ITFG1: variants seen among roughly 807,000 people sequenced by gnomAD.
ITFG1 encodes the protein T-cell immunomodulatory protein.
ITFG1 carries 34 observed loss-of-function variants against 81.8 expected under a neutral mutation model. That is an observed-to-expected ratio of 0.42 (90% confidence interval 0.32 to 0.55). ITFG1 has a LOEUF of 0.55. ITFG1 is among the 20% of genes least tolerant of loss of function. The pLI is 0.17. For missense variants in ITFG1, 672 were observed against 755.4 expected (o/e 0.89, Z 1.29); for synonymous variants, 285 against 270.6 (o/e 1.05, Z -0.52).
At chr16:47,315,767 C>T (rs1313667778) in intron 8 of ITFG1, among the ~76,000 whole-genome samples, 2 of 128,584 alleles carry the variant, frequency 1.6e-5, no homozygotes, top group Non-Finnish European at 3.1e-5. Flanking sequence ...ATTCTAAATG[C>T]CATATATATA....
At chr16:47,246,007 C>T (rs1965998530) in intron 12 of ITFG1, among the ~76,000 whole-genome samples, 2 of 152,096 alleles carry the variant, frequency 1.3e-5, no homozygotes, top group South Asian at 2.1e-4. Context: ...GATGAGAAAT[C>T]GATGAACTAT....
At chr16:47,159,418 A>G (rs1218694474) in intron 16 of ITFG1, among the ~76,000 whole-genome samples, 1 of 152,166 alleles carries the variant, frequency 6.6e-6, no homozygotes, top group African/African-American at 2.4e-5. Context: ...GTATCATCTT[A>G]TTTTTGACCT....
intron 5 of ITFG1, 118 bp downstream of exon 5, chr16:47,451,278 C>T (rs939170874): frequency 3.3e-6 from 2 of 597,168 alleles, no homozygotes; most frequent in Non-Finnish European, 5.9e-6. Context: ...ATATATTAAC[C>T]AAATGCCCAC....
chr16:47,308,818 C>G (rs1191401798), intron 10 of ITFG1, among the ~76,000 whole-genome samples: 1 of 152,084 alleles, frequency 6.6e-6, no homozygotes, highest in Non-Finnish European at 1.5e-5. Context: ...GCTTGGAACT[C>G]CGATAAGAGC....
At chr16:47,169,116 G>A (rs1459506134) in intron 14 of ITFG1, among the ~76,000 whole-genome samples, 2 of 152,116 alleles carry the variant, frequency 1.3e-5, no homozygotes, top group South Asian at 2.1e-4. Context: ...TATGCTTGTT[G>A]ATTACTGTAG....
intron 10 of ITFG1, among the ~76,000 whole-genome samples, chr16:47,274,513 C>T (rs1273354117): frequency 6.6e-6 from 1 of 152,110 alleles, no homozygotes; most frequent in Non-Finnish European, 1.5e-5. Context: ...ACACAATTAG[C>T]CCTTCTAGTA....
At chr16:47,161,669 A>G in intron 16 of ITFG1, 81 bp downstream of exon 16, 3 of 887,596 alleles carry the variant, frequency 3.4e-6, no homozygotes, top group Non-Finnish European at 5.6e-6. Context: ...CAGGAATATG[A>G]GAGAGCTTAA....
chr16:47,254,380 ATATTATTAT>A (rs371724043), intron 12 of ITFG1, among the ~76,000 whole-genome samples: 12 of 150,986 alleles, frequency 7.9e-5, no homozygotes, highest in Admixed American at 3.3e-4. Context: ...TCTCTTTAGC[ATATTATTAT>A]TATTATTATT....
At chr16:47,227,466 C>G (rs948360452) in intron 13 of ITFG1, among the ~76,000 whole-genome samples, 1 of 152,134 alleles carries the variant, frequency 6.6e-6, no homozygotes, top group Non-Finnish European at 1.5e-5. Flanking sequence ...ATCATTGGCA[C>G]CCTTTTTCTC....
intron 6 of ITFG1, among the ~76,000 whole-genome samples, chr16:47,382,772 G>A (rs1471065004): frequency 6.6e-6 from 1 of 152,114 alleles, no homozygotes; most frequent in Non-Finnish European, 1.5e-5. Flanking sequence ...AATAATGATA[G>A]GAACCTGTTA....
chr16:47,221,469 T>G (rs1965690390), intron 13 of ITFG1, among the ~76,000 whole-genome samples: 2 of 152,246 alleles, frequency 1.3e-5, no homozygotes. Flanking sequence ...TTTGATGTGC[T>G]GCTGGATTCG....
At chr16:47,260,478 T>C (rs573280398) in intron 11 of ITFG1, 67 bp downstream of exon 11, 5 of 1,523,212 alleles carry the variant, frequency 3.3e-6, no homozygotes, top group East Asian at 4.5e-5. Flanking sequence ...TCAAATGGAA[T>C]GAAGCTAAAG....
At chr16:47,242,608 T>C (rs1357327957) in intron 12 of ITFG1, among the ~76,000 whole-genome samples, 1 of 152,062 alleles carries the variant, frequency 6.6e-6, no homozygotes, top group Non-Finnish European at 1.5e-5. Flanking sequence ...ATAAGAACAA[T>C]ATGAAATAAA....
chr16:47,265,004 C>T (rs764191170), intron 10 of ITFG1, among the ~76,000 whole-genome samples: 7 of 152,030 alleles, frequency 4.6e-5, no homozygotes, highest in Non-Finnish European at 7.4e-5. Flanking sequence ...CATAATAGTA[C>T]ATTACCTTCA....
chr16:47,444,422 T>C (rs572487669), intron 5 of ITFG1, among the ~76,000 whole-genome samples: 7 of 152,240 alleles, frequency 4.6e-5, no homozygotes, highest in Non-Finnish European at 8.8e-5. Context: ...GTACTTAGTG[T>C]ATTGAAAAAA....
At chr16:47,405,444 TTGTCTTAAAAATATCTTTCACAACTTC>T (rs754232703) in intron 6 of ITFG1, among the ~76,000 whole-genome samples, 28 of 152,218 alleles carry the variant, frequency 1.8e-4, no homozygotes, top group Admixed American at 3.9e-4. Context: ...ATTTTCCCAG[TTGTCTTAAAAATATCTTTCACAACTTC>T]TTTCCTTCTT....
At chr16:47,416,493 T>G (rs1201855311) in intron 6 of ITFG1, among the ~76,000 whole-genome samples, 1 of 152,220 alleles carries the variant, frequency 6.6e-6, no homozygotes, top group Non-Finnish European at 1.5e-5. Flanking sequence ...GTTTAGATGT[T>G]TGTCCCCTCC....
intron 13 of ITFG1, among the ~76,000 whole-genome samples, chr16:47,225,902 GA>G (rs201651636): frequency 6.8e-6 from 1 of 146,532 alleles, no homozygotes; most frequent in African/African-American, 2.5e-5. Flanking sequence ...GACGAAGTTG[GA>G]AAAAAAAAAG....
intron 14 of ITFG1, among the ~76,000 whole-genome samples, chr16:47,214,206 T>G (rs1596812333): frequency 6.6e-6 from 1 of 152,298 alleles, no homozygotes; most frequent in South Asian, 2.1e-4. Flanking sequence ...AGAAGACATA[T>G]TTTTTCCCCT....
Sources: allele counts gnomAD v4.1 joint callset (sites outside exome capture counted in the v4.1 genomes callset), GRCh38; gene constraint gnomAD v4.1.1; transcripts MANE v1.5; gene names NCBI Gene and HGNC (gene_info 2026-07-23, HGNC 2026-07-21).